FUT8: variants seen among roughly 807,000 people sequenced by gnomAD.
FUT8 encodes the protein alpha-(1,6)-fucosyltransferase.
In FUT8, 29 loss-of-function variants were observed where a neutral mutation model predicts 71.3. The ratio of observed to expected loss-of-function variants is 0.41; its 90% confidence interval spans 0.30 to 0.55. The LOEUF is 0.55. FUT8 is among the 20% of genes least tolerant of loss of function. FUT8 has a pLI of 0.34. For missense variants in FUT8, 544 were observed against 702.1 expected, an observed-to-expected ratio of 0.77 and a Z score of 2.55; for synonymous variants, 254 against 239.3, an observed-to-expected ratio of 1.06 and a Z score of -0.57.
intron 1 of FUT8, among the ~76,000 whole-genome samples, chr14:65,453,278 A>T (rs2065853823): frequency 6.6e-6 from 1 of 152,128 alleles, no homozygotes; most frequent in Admixed American, 6.5e-5. Context: ...AGTTGGGACT[A>T]CAGGTGTGTA....
rs555356072 is a variant in FUT8, at chr14:65,513,940, A to ATAAG, written c.-227-47393_-227-47390dup. Among the ~76,000 whole-genome samples the ATAAG allele has an allele frequency of 1.2e-4, 19 of 152,360 alleles. 1 individual carries two copies. The South Asian group carries it at 3.9e-3, about 32-fold the overall frequency. Reference sequence around the variant, plus strand: ...TAGTGCATGCACAGTGAGTTAACATATAAGTAACATACATCCCATCTTCGC... The same window carrying ATAAG: ...TAGTGCATGCACAGTGAGTTAACATATAAGTAAGTAACATACATCCCATCTTCGC... On this transcript the variant is annotated intron_variant, in intron 2 of 10. Coordinates refer to ENST00000673929, the MANE Select transcript of FUT8 (RefSeq NM_001371533.1).
At chr14:65,450,683 A>G (rs1179373600) in intron 1 of FUT8, among the ~76,000 whole-genome samples, 2 of 151,798 alleles carry the variant, frequency 1.3e-5, no homozygotes, top group African/African-American at 2.4e-5. Flanking sequence ...TTGGGTTTTT[A>G]TTATTGCTGA....
At chr14:65,729,760 G>A (rs191923462) in intron 9 of FUT8, among the ~76,000 whole-genome samples, 3 of 152,296 alleles carry the variant, frequency 2.0e-5, no homozygotes, top group African/African-American at 7.2e-5. Flanking sequence ...ACAGTTGGCA[G>A]TATCTACTTG....
chr14:65,663,317 T>C (rs939718481), intron 6 of FUT8, among the ~76,000 whole-genome samples: 1 of 152,110 alleles, frequency 6.6e-6, no homozygotes, highest in Non-Finnish European at 1.5e-5. Flanking sequence ...AGAGGGGTTT[T>C]CTATGAAGTT....
intron 3 of FUT8, among the ~76,000 whole-genome samples, chr14:65,600,649 G>A (rs1300763224): frequency 6.6e-6 from 1 of 152,068 alleles, no homozygotes; most frequent in Non-Finnish European, 1.5e-5. Context: ...AGTAACATGG[G>A]TTTCATGGGG....
chr14:65,432,821 G>A (rs758760948), intron 1 of FUT8, among the ~76,000 whole-genome samples: 11 of 151,942 alleles, frequency 7.2e-5, no homozygotes, highest in Non-Finnish European at 1.3e-4. Context: ...CTAAAAATGG[G>A]AGACATAAAT....
In FUT8 at chr14:65,467,851, C is replaced by G; in HGVS notation, c.-228+12133C>G. 1 of 789,092 alleles carries G rather than the reference C, an allele frequency of 1.3e-6. No individual in the cohort carries two copies. The highest frequency in any genetic ancestry group is 2.3e-6 in the Non-Finnish European group (1 of 434,874). 48.9% of individuals were successfully genotyped at this position (789,092 alleles called of 1,614,324 possible). A position where few individuals can be genotyped will look rare whatever the true frequency, so the allele number is the denominator to read the frequency against. The stretch of plus-strand genomic sequence containing the variant: ...GGAATAGGTTCCAGCAGCTCAGGCT[C>G]CTTCCCACTGGTTCTCACAAAGTGT... On this transcript the variant is annotated intron_variant, in intron 2 of 10. Coordinates refer to ENST00000673929, the MANE Select transcript of FUT8 (RefSeq NM_001371533.1). This position sits in a 1 kb window ranked among gnomAD's most constrained non-coding sequence, Gnocchi z 4.1.
intron 6 of FUT8, among the ~76,000 whole-genome samples, chr14:65,650,707 C>CAAAAAAAAAAA (rs57971519): frequency 3.0e-4 from 36 of 118,936 alleles, no homozygotes; most frequent in African/African-American, 1.0e-3. Flanking sequence ...CTGCTAATTA[C>CAAAAAAAAAAA]AAAAAAAAAA....
chr14:65,662,461 A>G (rs1301403446), intron 6 of FUT8, among the ~76,000 whole-genome samples: 1 of 152,164 alleles, frequency 6.6e-6, no homozygotes, highest in Non-Finnish European at 1.5e-5. Context: ...TTAAATCCTT[A>G]TTTCTTGATT....
chr14:65,412,646 A>C (rs1029531012), upstream of FUT8: 2 of 223,632 alleles, frequency 8.9e-6, no homozygotes, highest in African/African-American at 2.4e-5. Context: ...TCCCTGGCAC[A>C]TGCCAGGGTC....
At chr14:65,520,258 T>A (rs918456319) in intron 2 of FUT8, among the ~76,000 whole-genome samples, 10 of 152,200 alleles carry the variant, frequency 6.6e-5, no homozygotes, top group South Asian at 2.1e-4. Flanking sequence ...CGGAAGTTTT[T>A]AAGTTTTTTT....
At chr14:65,683,918 TG>T (rs1345092090) in intron 7 of FUT8, among the ~76,000 whole-genome samples, 1 of 151,998 alleles carries the variant, frequency 6.6e-6, no homozygotes, top group Non-Finnish European at 1.5e-5. Context: ...TTAATGTGTA[TG>T]TGGGCAAATC....
intron 2 of FUT8, among the ~76,000 whole-genome samples, chr14:65,507,338 C>T (rs2066751540): frequency 1.3e-5 from 2 of 152,120 alleles, no homozygotes; most frequent in South Asian, 4.1e-4. Flanking sequence ...TTTTTCCCAC[C>T]AGCCTGATTG....
At chr14:65,690,895 T>A (rs1478936603) in intron 7 of FUT8, among the ~76,000 whole-genome samples, 1 of 152,128 alleles carries the variant, frequency 6.6e-6, no homozygotes, top group Non-Finnish European at 1.5e-5. Context: ...CGGGCTGATT[T>A]TCGTACTTTT....
At chr14:65,501,465 T>C (rs2139770747) in intron 2 of FUT8, among the ~76,000 whole-genome samples, 2 of 152,222 alleles carry the variant, frequency 1.3e-5, no homozygotes, top group South Asian at 4.2e-4. Flanking sequence ...CTGAGGGGAA[T>C]TTCTGAGAGT....
intron 2 of FUT8, among the ~76,000 whole-genome samples, chr14:65,533,752 G>C (rs1263887414): frequency 1.3e-5 from 2 of 152,108 alleles, no homozygotes; most frequent in African/African-American, 4.8e-5. Flanking sequence ...GTGTGATGTT[G>C]GCTGTGGGTT....
intron 7 of FUT8, among the ~76,000 whole-genome samples, chr14:65,706,228 G>T (rs573082559): frequency 6.6e-6 from 1 of 152,210 alleles, no homozygotes; most frequent in East Asian, 1.9e-4. Flanking sequence ...CTTCTTCAAG[G>T]TCACACAACT....
rs1377301932 is a variant in FUT8, at chr14:65,694,261, G to C, written c.835+24781G>C. ...TGCTAATATGGAAGCTTAGATAATT[G>C]GGTTTAGCTTTTTCTTCCTTTTCAT... On this transcript the variant is annotated intron_variant, in intron 7 of 10. Coordinates refer to ENST00000673929, the MANE Select transcript of FUT8 (RefSeq NM_001371533.1). Among the ~76,000 whole-genome samples the C allele has an allele frequency of 5.3e-5, 8 of 151,834 alleles. No individual in the cohort carries two copies. In the East Asian group the frequency reaches 1.4e-3, roughly 26 times the overall value.
intron 6 of FUT8, among the ~76,000 whole-genome samples, chr14:65,664,841 G>A (rs141813602): frequency 1.3e-5 from 2 of 152,172 alleles, no homozygotes; most frequent in Admixed American, 6.6e-5. Flanking sequence ...GGAATTACCC[G>A]TCCTCTCTCT....
Sources: allele counts gnomAD v4.1 joint callset (sites outside exome capture counted in the v4.1 genomes callset), GRCh38; gene constraint gnomAD v4.1.1; non-coding constraint Gnocchi (gnomAD v3.1); transcripts MANE v1.5; gene names NCBI Gene and HGNC (gene_info 2026-07-23, HGNC 2026-07-21).